The following MAGI2 variants were observed in gnomAD, a reference collection of about 807,000 sequenced individuals.
MAGI2 encodes the protein membrane associated guanylate kinase, WW and PDZ domain containing 2.
Under a neutral mutation model 133.3 loss-of-function variants are expected in MAGI2, and 35 were observed. The ratio of observed to expected loss-of-function variants is 0.26; its 90% CI spans 0.20 to 0.35. The LOEUF is 0.35. Among genes scored for constraint, MAGI2 ranks in the 10% least tolerant of loss-of-function variants. MAGI2 has a pLI of 1.00. For synonymous variants in MAGI2, 729 were observed against 710.6 expected, an observed-to-expected ratio of 1.03 and a Z score of -0.41; for missense variants, 1,636 against 1,863.4, an observed-to-expected ratio of 0.88 and a Z score of 2.25.
At chr7:79,267,707 CAGAT>C (rs1234486630) in intron 1 of MAGI2, among the ~76,000 whole-genome samples, 3 of 152,138 alleles carry the variant, frequency 2.0e-5, no homozygotes, top group Admixed American at 2.0e-4. Context: ...TGACAATAGA[CAGAT>C]AGAAGGAGAA....
chr7:78,336,746 A>G (rs929144998), intron 9 of MAGI2, among the ~76,000 whole-genome samples: 1 of 152,030 alleles, frequency 6.6e-6, no homozygotes, highest in African/African-American at 2.4e-5. Flanking sequence ...TGAAAAGAAG[A>G]AAGAAGAGAG....
intron 21 of MAGI2, among the ~76,000 whole-genome samples, chr7:78,050,510 C>G (rs1205462294): frequency 6.6e-6 from 1 of 152,206 alleles, no homozygotes; most frequent in East Asian, 1.9e-4. Flanking sequence ...GGGACGTCTG[C>G]TTTGAACAGC....
chr7:78,511,548 T>TA (rs762909105), intron 4 of MAGI2, among the ~76,000 whole-genome samples: 10,727 of 114,738 alleles, frequency 0.093, 473 homozygotes, highest in Non-Finnish European at 0.12. Flanking sequence ...TATATATATA[T>TA]AAATTTTTTT....
chr7:78,627,329 G>T, intron 2 of MAGI2, 90 bp from the exon 3 acceptor site: 1 of 1,184,060 alleles, frequency 8.4e-7, no homozygotes, highest in Non-Finnish European at 1.1e-6. Context: ...AATATTCAGT[G>T]CCACTTGTTT....
intron 9 of MAGI2, among the ~76,000 whole-genome samples, chr7:78,299,541 G>A (rs2151069178): frequency 6.6e-6 from 1 of 152,170 alleles, no homozygotes; most frequent in South Asian, 2.1e-4. Context: ...AATGCTACAG[G>A]GAATATGCCA....
At chr7:78,846,505 T>C (rs144942826) in intron 2 of MAGI2, among the ~76,000 whole-genome samples, 2 of 152,092 alleles carry the variant, frequency 1.3e-5, no homozygotes, top group East Asian at 3.9e-4. Context: ...AGATAATGTT[T>C]ATTGCTGTAG....
intron 2 of MAGI2, among the ~76,000 whole-genome samples, chr7:78,888,431 C>T (rs1405361315): frequency 6.6e-6 from 1 of 152,222 alleles, no homozygotes; most frequent in East Asian, 1.9e-4. Flanking sequence ...AGACTGCCTC[C>T]TCAAGTGGGT....
chr7:79,428,114 T>C (rs1847520750), intron 1 of MAGI2, among the ~76,000 whole-genome samples: 1 of 152,110 alleles, frequency 6.6e-6, no homozygotes, highest in African/African-American at 2.4e-5. Flanking sequence ...AAGTTGACTT[T>C]TAGATTTTTA....
At chr7:78,289,142 G>T (rs910524533) in intron 9 of MAGI2, among the ~76,000 whole-genome samples, 10 of 152,022 alleles carry the variant, frequency 6.6e-5, no homozygotes, top group Non-Finnish European at 1.5e-4. Flanking sequence ...CAGATGATCG[G>T]TAATAACAAA....
chr7:78,610,416 C>T (rs2150908342), intron 3 of MAGI2, among the ~76,000 whole-genome samples: 1 of 152,264 alleles, frequency 6.6e-6, no homozygotes, highest in African/African-American at 2.4e-5. Flanking sequence ...AAAGGGCATC[C>T]AGCTCAACCA....
chr7:78,630,507 C>T (rs535017745), intron 2 of MAGI2, among the ~76,000 whole-genome samples: 25 of 146,686 alleles, frequency 1.7e-4, no homozygotes, highest in African/African-American at 6.1e-4. Context: ...ACTTCTGCCT[C>T]CAGGGTTCAA....
chr7:78,559,136 C>CAAAAAAAAAAAA (rs71085541), intron 3 of MAGI2, among the ~76,000 whole-genome samples: 3 of 54,726 alleles, frequency 5.5e-5, no homozygotes, highest in African/African-American at 8.1e-5. Flanking sequence ...TCTGAATTTC[C>CAAAAAAAAAAAA]AAAAAAAAAA....
chr7:79,236,270 T>C (rs1831917120), intron 1 of MAGI2, among the ~76,000 whole-genome samples: 2 of 152,222 alleles, frequency 1.3e-5, no homozygotes, highest in Non-Finnish European at 2.9e-5. Context: ...GGTTAATACA[T>C]GATCAATAAT....
At chr7:79,294,494 C>T (rs565100832) in intron 1 of MAGI2, among the ~76,000 whole-genome samples, 30 of 152,086 alleles carry the variant, frequency 2.0e-4, no homozygotes, top group Admixed American at 1.8e-3. Context: ...TCCATGGGTC[C>T]GCCCCATCCT....
intron 2 of MAGI2, among the ~76,000 whole-genome samples, chr7:78,639,147 TTAAC>T (rs1309252846): frequency 1.3e-5 from 2 of 152,150 alleles, no homozygotes; most frequent in Non-Finnish European, 2.9e-5. Context: ...TGCAATGACA[TTAAC>T]TTTTAGTATC....
Position 78,239,429 on chromosome 7 carries a change from A to G in MAGI2, c.2047+16514T>C, listed in dbSNP as rs148754995. On this transcript the variant is annotated intron_variant, in intron 10 of 21. Coordinates refer to ENST00000354212, the MANE Select transcript of MAGI2 (RefSeq NM_012301.4). The stretch of plus-strand genomic sequence containing the variant: ...CAAATAGGGTTATATCAAACTAACA[A>G]ACTTCTGTGCAGAAGAGGAAACAAT... Among the ~76,000 whole-genome samples the G allele has an allele frequency of 8.5e-5, 13 of 152,346 alleles. No individual in the cohort carries two copies. The East Asian group carries it at 2.1e-3, about 25-fold the overall frequency.
intron 15 of MAGI2, among the ~76,000 whole-genome samples, chr7:78,164,940 G>GA (rs200079112): frequency 0.011 from 1,720 of 151,786 alleles, 15 homozygotes; most frequent in Middle Eastern, 0.058. Flanking sequence ...ATATCCTTGG[G>GA]AAAAAAAACA....
intron 9 of MAGI2, among the ~76,000 whole-genome samples, chr7:78,262,735 C>T (rs1793632330): frequency 6.6e-6 from 1 of 152,144 alleles, no homozygotes; most frequent in African/African-American, 2.4e-5. Context: ...GAGGATTGAA[C>T]CAGATGATCT....
At chr7:79,366,292 G>A (rs570174962) in intron 1 of MAGI2, among the ~76,000 whole-genome samples, 3 of 152,162 alleles carry the variant, frequency 2.0e-5, no homozygotes, top group African/African-American at 4.8e-5. Context: ...ATCCCAAAAT[G>A]TTATACACTG....
Sources: allele counts gnomAD v4.1 joint callset (sites outside exome capture counted in the v4.1 genomes callset), GRCh38; gene constraint gnomAD v4.1.1; transcripts MANE v1.5; gene names NCBI Gene and HGNC (gene_info 2026-07-23, HGNC 2026-07-21).